The following IQGAP3 variants were observed in gnomAD, a reference collection of about 807,000 sequenced individuals.
IQGAP3 encodes the protein ras GTPase-activating-like protein IQGAP3.
IQGAP3 carries 165 observed loss-of-function variants against 208.2 expected under a neutral mutation model. The observed-to-expected ratio is 0.79, with a 90% CI of 0.70 to 0.90. The LOEUF (loss-of-function observed/expected upper bound fraction) is 0.90, where lower values mean the gene tolerates loss of function less well. Among genes scored for constraint, IQGAP3 ranks in the 40% least tolerant of loss-of-function variants. IQGAP3 has a pLI of 0.00. For synonymous variants in IQGAP3, 703 were observed against 803.6 expected (o/e 0.87, Z 2.12); for missense variants, 1,811 against 2,043.1 (o/e 0.89, Z 2.19).
chr1:156,570,180 C>T (rs1676585816), intron 1 of IQGAP3, among the ~76,000 whole-genome samples: 1 of 152,210 alleles, frequency 6.6e-6, no homozygotes, highest in Non-Finnish European at 1.5e-5. Context: ...ATCATTCACT[C>T]ATTCATTCAT....
chr1:156,534,444 G>A (rs1674584010), intron 29 of IQGAP3, 57 bp downstream of exon 29: 1 of 1,274,106 alleles, frequency 7.8e-7, no homozygotes, highest in African/African-American at 1.5e-5. Context: ...GGGACAAGTG[G>A]GATGTCAAAG....
At chr1:156,537,711 C>T (rs1482513144) in intron 26 of IQGAP3, among the ~76,000 whole-genome samples, 1 of 152,152 alleles carries the variant, frequency 6.6e-6, no homozygotes, top group African/African-American at 2.4e-5. Flanking sequence ...TCCAGAGCAG[C>T]CACCAGGATT....
intron 15 of IQGAP3, 96 bp downstream of exon 15, chr1:156,551,609 T>A: frequency 7.8e-7 from 1 of 1,276,866 alleles, no homozygotes; most frequent in Non-Finnish European, 1.1e-6. Context: ...AGCCATTGTG[T>A]CCATCAGAAT....
intron 23 of IQGAP3, 103 bp from the exon 24 acceptor site, chr1:156,540,093 G>A: frequency 1.5e-6 from 2 of 1,346,114 alleles, no homozygotes; most frequent in Non-Finnish European, 2.1e-6. Flanking sequence ...GCTTTCTGCT[G>A]TTCAAGGAAC....
At chr1:156,544,550 C>T (rs1675143445) in intron 19 of IQGAP3, 78 bp from the exon 20 acceptor site, 2 of 1,250,004 alleles carry the variant, frequency 1.6e-6, no homozygotes, top group Admixed American at 1.7e-5. Context: ...AATCTTTGTC[C>T]TGGGCCCTCC....
rs747953456 is a variant in IQGAP3, at chr1:156,533,840, A to C, written c.3909T>G (p.Asp1303Glu). 7 of 1,612,416 alleles carry C rather than the reference A, an allele frequency of 4.3e-6. No individual in the cohort carries two copies. Among genetic ancestry groups the C allele is most frequent in the Non-Finnish European group, 5.1e-6 (6 of 1,179,274 alleles). ...GGAGCTCATGCAGGGGGTCTTGGTG[A>C]TCAGGGGCAATGCAGTCCTGGTGCT... ...LLEHQDCIAP[D>E]HQDPLHELLE... The change falls in exon 31 of 38, where the codon GAT (aspartate) becomes GAG (glutamate). Residue 1303 changes from aspartate (D) to glutamate (E), a missense_variant. Physicochemically the swap from Asp to Glu is conservative, Grantham distance 45. Coordinates refer to ENST00000361170, the MANE Select transcript of IQGAP3 (RefSeq NM_178229.5).
At chr1:156,532,841 G>T in intron 32 of IQGAP3, 139 bp downstream of exon 32, 1 of 823,890 alleles carries the variant, frequency 1.2e-6, no homozygotes. Context: ...GGGGAATAAA[G>T]GTAGGCTTCA....
chr1:156,539,768 C>T (rs1674886042), intron 24 of IQGAP3, 70 bp downstream of exon 24: 1 of 1,562,546 alleles, frequency 6.4e-7, no homozygotes. Context: ...AACGCACAGA[C>T]AAGAAGGCCT....
At chr1:156,550,509 G>A (rs1420277510) in intron 15 of IQGAP3, among the ~76,000 whole-genome samples, 158 bp from the exon 16 acceptor site, 1 of 152,218 alleles carries the variant, frequency 6.6e-6, no homozygotes, top group Non-Finnish European at 1.5e-5. Flanking sequence ...GGGCATGTGT[G>A]GCATGTGGTT....
intron 23 of IQGAP3, 89 bp downstream of exon 23, chr1:156,540,619 A>T: frequency 8.1e-7 from 1 of 1,232,768 alleles, no homozygotes; most frequent in East Asian, 2.4e-5. Context: ...ACATTTTGAA[A>T]AAAATTGATT....
intron 13 of IQGAP3, 86 bp downstream of exon 13, chr1:156,554,149 C>T: frequency 1.4e-6 from 2 of 1,468,814 alleles, no homozygotes; most frequent in Non-Finnish European, 1.8e-6. Flanking sequence ...ACATCGTACA[C>T]AAGGCAAGTC....
At chr1:156,528,458 C>G (rs1387486954) in intron 36 of IQGAP3, 51 bp downstream of exon 36, 9 of 1,375,406 alleles carry the variant, frequency 6.5e-6, no homozygotes, top group Non-Finnish European at 7.2e-6. Context: ...GCTCCACCCC[C>G]AGGTTAGAGG....
intron 13 of IQGAP3, among the ~76,000 whole-genome samples, chr1:156,553,199 G>C (rs1386979780): frequency 6.6e-6 from 1 of 152,060 alleles, no homozygotes; most frequent in Non-Finnish European, 1.5e-5. Context: ...AAAAGAAGTA[G>C]GTCAGATCAA....
chr1:156,548,646 A>G lies in IQGAP3; in HGVS notation c.1928T>C (p.Val643Ala), dbSNP rs755255881. ...RNPAVALRGV[V>A]PDCANGYQRA... ...CTGGTAGCCGTTGGCACAGTCGGGA[A>G]CTACCCCTCGAAGGGCCACTGCGGG... The change falls in exon 17 of 38, where the codon GTT becomes GCT. Residue 643 changes from valine (V) to alanine (A), a missense_variant. By Grantham distance (64) the Val-to-Ala change is moderately conservative. Transcript: ENST00000361170. 11 of 1,612,310 alleles carry G rather than the reference A, an allele frequency of 6.8e-6. No homozygotes were observed. In the African/African-American group the frequency reaches 1.5e-4, roughly 22 times the overall value.
At chr1:156,542,105 A>G (rs1248443990) in intron 22 of IQGAP3, among the ~76,000 whole-genome samples, 1 of 152,238 alleles carries the variant, frequency 6.6e-6, no homozygotes, top group Non-Finnish European at 1.5e-5. Flanking sequence ...GCAACAGGGC[A>G]TCATGATAAG....
intron 1 of IQGAP3, 148 bp from the exon 2 acceptor site, chr1:156,569,611 C>A (rs914910893): frequency 4.8e-6 from 2 of 416,202 alleles, no homozygotes; most frequent in Admixed American, 7.6e-5. Context: ...CTCCGCCTCC[C>A]GGGTTCATGC....
In IQGAP3 at chr1:156,569,465, T is replaced by G. The variant is rs1260071200; in HGVS notation, c.38-2A>C. The G allele has an allele frequency of 6.2e-7, 1 of 1,603,668 alleles. No homozygotes were observed. The highest frequency in any genetic ancestry group is 8.5e-7 in the Non-Finnish European group (1 of 1,173,576). Reference sequence around the variant, plus strand: ...TCTCCTCAGCTGTGAGGCGTTCATCTGAGGAGTTAAACGGGATAAGGTCAA... The same window carrying G: ...TCTCCTCAGCTGTGAGGCGTTCATCGGAGGAGTTAAACGGGATAAGGTCAA... On this transcript the variant is annotated splice_acceptor_variant, in intron 1 of 37. Coordinates refer to ENST00000361170, the MANE Select transcript of IQGAP3 (RefSeq NM_178229.5). LOFTEE classifies it high-confidence loss of function.
Position 156,528,863 on chromosome 1 carries a change from G to A in IQGAP3, c.4571+53C>T, listed in dbSNP as rs575326348. ...AGATAGCAGGGCAAAGGTGACATGG[G>A]CAGGGGTGAGAAGTCACTCGTAACC... On this transcript the variant is annotated intron_variant, in intron 35 of 37. Coordinates refer to ENST00000361170, the MANE Select transcript of IQGAP3 (RefSeq NM_178229.5). The A allele has an allele frequency of 1.4e-4, 219 of 1,595,256 alleles. 4 individuals carry two copies. The South Asian group carries it at 2.3e-3, about 17-fold the overall frequency.
At position 156,530,329 on chromosome 1, in the gene IQGAP3, C is replaced by T. The variant is rs763254546; in HGVS notation, c.4192-12G>A. 1.2e-6 allele frequency: 2 copies of T among 1,601,830 alleles called. No homozygotes were observed. The highest frequency in any genetic ancestry group is 4.5e-5 in the East Asian group (2 of 44,772). ...TTGTGGGCTGCTTCCTGGGGACACACAGACGCTGGAGGGGTCTACCAGGTC... is the reference window on the plus strand; with the variant it reads ...TTGTGGGCTGCTTCCTGGGGACACATAGACGCTGGAGGGGTCTACCAGGTC... On this transcript the variant is annotated splice_polypyrimidine_tract_variant and intron_variant, in intron 33 of 37. Coordinates refer to ENST00000361170, the MANE Select transcript of IQGAP3 (RefSeq NM_178229.5).
Sources: allele counts gnomAD v4.1 joint callset (sites outside exome capture counted in the v4.1 genomes callset), GRCh38; gene constraint gnomAD v4.1.1; transcripts MANE v1.5; gene names NCBI Gene and HGNC (gene_info 2026-07-23, HGNC 2026-07-21).